CACNA2D1: variants seen among roughly 807,000 people sequenced by gnomAD.
CACNA2D1 encodes the protein calcium voltage-gated channel auxiliary subunit alpha2delta 1.
A neutral mutation model predicts 171.5 loss-of-function variants in CACNA2D1; 53 were observed. The ratio of observed to expected loss-of-function variants is 0.31; its 90% CI spans 0.25 to 0.39. The LOEUF (loss-of-function observed/expected upper bound fraction) is 0.39, where lower values mean the gene tolerates loss of function less well. Ranked by LOEUF, CACNA2D1 falls within the 10% of genes least tolerant of loss-of-function variation. The pLI, the probability that CACNA2D1 is intolerant of heterozygous loss-of-function variation, is 1.00. For missense variants in CACNA2D1, 903 were observed against 1,299.8 expected, an observed-to-expected ratio of 0.69 and a Z score of 4.69; for synonymous variants, 442 against 443.1, an observed-to-expected ratio of 1.00 and a Z score of 0.03.
At chr7:82,086,476 G>A (rs765672014) in intron 6 of CACNA2D1, among the ~76,000 whole-genome samples, 1 of 152,020 alleles carries the variant, frequency 6.6e-6, no homozygotes, top group Non-Finnish European at 1.5e-5. Context: ...AGATACTAGA[G>A]AATTCATATT....
At chr7:82,163,613 G>T (rs912126602) in intron 4 of CACNA2D1, among the ~76,000 whole-genome samples, 19 of 152,006 alleles carry the variant, frequency 1.2e-4, no homozygotes, top group Admixed American at 1.1e-3. Context: ...TGTGACACAG[G>T]TAGTATGAGA....
chr7:82,300,641 T>G (rs1812880136), intron 3 of CACNA2D1, among the ~76,000 whole-genome samples: 1 of 152,156 alleles, frequency 6.6e-6, no homozygotes, highest in Non-Finnish European at 1.5e-5. Flanking sequence ...CTTAAGGACA[T>G]TATTAAATGA....
At chr7:82,393,111 CAGGGAGGGAGGG>C (rs1413640781) in intron 1 of CACNA2D1, among the ~76,000 whole-genome samples, 1 of 86,876 alleles carries the variant, frequency 1.2e-5, no homozygotes, top group Non-Finnish European at 2.1e-5. Context: ...GGCAGGCAGG[CAGGGAGGGAGGG>C]AGGGAGGCAG....
chr7:82,205,923 A>AT (rs1403831022), intron 3 of CACNA2D1, among the ~76,000 whole-genome samples: 1 of 152,182 alleles, frequency 6.6e-6, no homozygotes, highest in Non-Finnish European at 1.5e-5. Flanking sequence ...TGATAGATAT[A>AT]TAACTTAAAA....
At chr7:82,153,335 T>C (rs1438238773) in intron 4 of CACNA2D1, among the ~76,000 whole-genome samples, 1 of 152,010 alleles carries the variant, frequency 6.6e-6, no homozygotes, top group African/African-American at 2.4e-5. Context: ...TAGTTATATA[T>C]AAACAAAACA....
intron 3 of CACNA2D1, among the ~76,000 whole-genome samples, chr7:82,322,754 G>A (rs549376992): frequency 5.3e-5 from 8 of 152,200 alleles, no homozygotes; most frequent in South Asian, 2.1e-4. Context: ...CTTATCTTGC[G>A]AATGCAGTTT....
intron 3 of CACNA2D1, among the ~76,000 whole-genome samples, chr7:82,318,807 C>T (rs1815428902): frequency 6.6e-6 from 1 of 151,730 alleles, no homozygotes; most frequent in Admixed American, 6.6e-5. Context: ...CTTATCATAT[C>T]ATGTAATAAT....
At chr7:81,975,804 A>ACATAGTAG (rs1562806293) in intron 24 of CACNA2D1, among the ~76,000 whole-genome samples, 4 of 151,626 alleles carry the variant, frequency 2.6e-5, no homozygotes, top group Admixed American at 1.3e-4. Context: ...GGAATGAATC[A>ACATAGTAG]TGTATACAAC....
At chr7:81,967,522 A>G in intron 30 of CACNA2D1, 74 bp downstream of exon 30, 1 of 797,680 alleles carries the variant, frequency 1.3e-6, no homozygotes, top group Non-Finnish European at 2.1e-6. Context: ...CCACTGTATA[A>G]GGACCTTATA....
At chr7:81,989,256 T>C (rs1584308988) in intron 21 of CACNA2D1, among the ~76,000 whole-genome samples, 1 of 152,156 alleles carries the variant, frequency 6.6e-6, no homozygotes, top group Admixed American at 6.6e-5. Context: ...GGTCAAATGA[T>C]TTACGCCACT....
At chr7:81,964,769 C>T (rs1487624505) in intron 32 of CACNA2D1, among the ~76,000 whole-genome samples, 1 of 151,732 alleles carries the variant, frequency 6.6e-6, no homozygotes, top group Non-Finnish European at 1.5e-5. Flanking sequence ...GTGTTGTCTA[C>T]CAGAAATTTG....
At chr7:82,337,450 A>T (rs1363600552) in intron 2 of CACNA2D1, among the ~76,000 whole-genome samples, 1 of 152,212 alleles carries the variant, frequency 6.6e-6, no homozygotes, top group Non-Finnish European at 1.5e-5. Context: ...ATGGATTTTT[A>T]TGATCACACA....
chr7:82,352,452 G>C (rs1819955305), intron 1 of CACNA2D1, among the ~76,000 whole-genome samples: 1 of 152,042 alleles, frequency 6.6e-6, no homozygotes, highest in Non-Finnish European at 1.5e-5. Context: ...TAAAATTTGG[G>C]GGAAATTACA....
At chr7:82,046,166 C>T (rs936723446) in intron 10 of CACNA2D1, among the ~76,000 whole-genome samples, 7 of 152,140 alleles carry the variant, frequency 4.6e-5, no homozygotes, top group Non-Finnish European at 8.8e-5. Flanking sequence ...ATATCTCTCA[C>T]ACTCTTTTCT....
At chr7:82,166,583 G>A (rs1222529665) in intron 4 of CACNA2D1, among the ~76,000 whole-genome samples, 1 of 152,028 alleles carries the variant, frequency 6.6e-6, no homozygotes, top group Non-Finnish European at 1.5e-5. Context: ...GAAAAGATCT[G>A]TTTGGTAGAA....
chr7:82,425,270 C>T (rs981245807), intron 1 of CACNA2D1, among the ~76,000 whole-genome samples: 2 of 152,050 alleles, frequency 1.3e-5, no homozygotes, highest in African/African-American at 4.8e-5. Flanking sequence ...GTAAGAGGAC[C>T]TTTAATAGGG....
intron 38 of CACNA2D1, among the ~76,000 whole-genome samples, chr7:81,955,972 ATATATATAT>A (rs1349288161): frequency 2.8e-5 from 2 of 70,182 alleles, no homozygotes; most frequent in African/African-American, 6.1e-5. Context: ...ATATATATAT[ATATATATAT>A]TTTTTTTTTT....
In CACNA2D1 at chr7:82,443,602, G is replaced by A. The variant is rs1055285649; in HGVS notation, c.-143C>T. On this transcript the variant is annotated 5_prime_UTR_variant, in exon 1 of 39. Transcript: ENST00000356860. Reference sequence around the variant, plus strand: ...TGGCTGCGCCCGGGGCCCGAGGCGCGGAGCCGCGCGGGGGACGGCAAGGGC... The same window carrying A: ...TGGCTGCGCCCGGGGCCCGAGGCGCAGAGCCGCGCGGGGGACGGCAAGGGC... 147 of 1,380,850 alleles carry A rather than the reference G, an allele frequency of 1.1e-4. No individual in the cohort carries two copies. The highest frequency in any genetic ancestry group is 1.3e-4 in the Non-Finnish European group (137 of 1,072,180). 85.5% of individuals were successfully genotyped at this position (1,380,850 alleles called of 1,614,324 possible).
At chr7:82,175,826 A>G (rs1193061409) in intron 3 of CACNA2D1, among the ~76,000 whole-genome samples, 1 of 152,038 alleles carries the variant, frequency 6.6e-6, no homozygotes, top group Non-Finnish European at 1.5e-5. Context: ...CAAACTCAGT[A>G]AAGTTTTGCT....
Sources: gnomAD v4.1 joint callset for allele counts (sites outside exome capture counted in the v4.1 genomes callset) on GRCh38, gnomAD v4.1.1 for gene constraint, MANE v1.5 for transcripts, NCBI Gene and HGNC (gene_info 2026-07-23, HGNC 2026-07-21) for gene names.